KIFC1: variants seen among roughly 807,000 people sequenced by gnomAD.
KIFC1 encodes the protein kinesin-like protein KIFC1.
In KIFC1, 37 loss-of-function variants were observed where a neutral mutation model predicts 66.6. That is an observed-to-expected ratio of 0.56 (90% CI 0.43 to 0.73). The LOEUF (loss-of-function observed/expected upper bound fraction) is 0.73. Ranked by LOEUF, KIFC1 falls within the 30% of genes least tolerant of loss-of-function variation. The pLI is 0.00. For missense variants in KIFC1, 721 were observed against 859.8 expected (o/e 0.84, Z 2.02); for synonymous variants, 325 against 343.5 (o/e 0.95, Z 0.60).
At chr6:33,398,205 G>T in intron 2 of KIFC1, 39 bp downstream of exon 2, 1 of 1,602,120 alleles carries the variant, frequency 6.2e-7, no homozygotes, top group Non-Finnish European at 8.5e-7. Context: ...TGTGTGGGGG[G>T]TGTGTGTGTG....
At chr6:33,408,191 T>A (rs1775743248) in intron 10 of KIFC1, among the ~76,000 whole-genome samples, 1 of 152,254 alleles carries the variant, frequency 6.6e-6, no homozygotes, top group South Asian at 2.1e-4. Context: ...TTATACATAA[T>A]AGGTTTGTTC....
At position 33,406,909 on chromosome 6, in the gene KIFC1, C is replaced by T. The variant is rs765982063; in HGVS notation, c.1977+34C>T. ...ACCACCCGTCAGCCTTGTCAGGACC[C>T]GTGGGTGGTTGTAGGCTTCTCCATT... On this transcript the variant is annotated intron_variant, in intron 10 of 10. Transcript: ENST00000428849. The surrounding 1 kb of genome is among the most constrained non-coding windows in gnomAD (Gnocchi z 4.5). 26 of 1,613,500 alleles carry T rather than the reference C, an allele frequency of 1.6e-5. No individual in the cohort carries two copies. Among genetic ancestry groups the T allele is most frequent in the Non-Finnish European group, 2.2e-5 (26 of 1,179,776 alleles).
At chr6:33,391,561 C>T (rs45453798), upstream of KIFC1, 278 of 237,130 alleles carry the variant, frequency 1.2e-3, no homozygotes, top group Non-Finnish European at 1.9e-3. Flanking sequence ...CATTTTCTGA[C>T]GTAGCGAGCG....
intron 3 of KIFC1, among the ~76,000 whole-genome samples, chr6:33,402,741 C>A (rs573920792): frequency 1.4e-5 from 2 of 142,892 alleles, no homozygotes; most frequent in Non-Finnish European, 3.1e-5. Context: ...AAAAAAAAAA[C>A]AAAATGGAGG....
At position 33,394,072 on chromosome 6, in the gene KIFC1, G is replaced by T. The variant is rs568974001; in HGVS notation, c.12+2075G>T. On this transcript the variant is annotated intron_variant, in intron 1 of 10. Coordinates refer to ENST00000428849, the MANE Select transcript of KIFC1 (RefSeq NM_002263.4). ...ACATTTTTTATTGTCGTGACTAGGT[G>T]GGGGGTTGCTACTGGCATCTAGTGG... 4.1e-4 allele frequency among the ~76,000 whole-genome samples: 62 copies of T among 152,258 alleles called. 2 individuals are homozygous for T. The highest frequency in any genetic ancestry group is 1.2e-3 in the Admixed American group (19 of 15,288).
At position 33,403,378 on chromosome 6, in the gene KIFC1, T is replaced by G; in HGVS notation, c.304+11T>G. ...CAGCTATTGCCACAGGTAACTGTGC[T>G]CAAGAGCTGGGTCTGAGAAGGGATT... is the stretch of plus-strand genomic sequence containing the variant. On this transcript the variant is annotated intron_variant, in intron 4 of 10. Transcript: ENST00000428849. This position sits in a 1 kb window ranked among gnomAD's most constrained non-coding sequence, Gnocchi z 4.6. 6 of 1,613,938 alleles carry G rather than the reference T, an allele frequency of 3.7e-6. No individual in the cohort carries two copies. Among genetic ancestry groups the G allele is most frequent in the Non-Finnish European group, 4.2e-6 (5 of 1,179,812 alleles).
At chr6:33,408,984 C>T (rs145646205) in intron 10 of KIFC1, among the ~76,000 whole-genome samples, 1,804 of 152,236 alleles carry the variant, frequency 0.012, 21 homozygotes, top group African/African-American at 0.021. Context: ...CATCCTAACA[C>T]GGTGAAACCC....
intron 3 of KIFC1, 86 bp downstream of exon 3, chr6:33,398,473 TA>T: frequency 9.0e-7 from 1 of 1,114,244 alleles, no homozygotes; most frequent in Non-Finnish European, 1.3e-6. Context: ...AATTTTATTT[TA>T]TTTTTTTTGA....
upstream of KIFC1, chr6:33,391,789 G>A: frequency 2.9e-6 from 2 of 688,154 alleles, no homozygotes; most frequent in South Asian, 3.3e-5. Flanking sequence ...TGGTCCCTGC[G>A]TGCAGAGCGC....
Position 33,405,647 on chromosome 6 carries a change from C to T in KIFC1, c.1536+16C>T, listed in dbSNP as rs9278048. ...TGAGAAAGAAGTGAGGACCCATGGG[C>T]ACTGGAACTGGGAAATGGGGAGGAG... On this transcript the variant is annotated intron_variant, in intron 7 of 10. Coordinates refer to ENST00000428849, the MANE Select transcript of KIFC1 (RefSeq NM_002263.4). This position sits in a 1 kb window ranked among gnomAD's most constrained non-coding sequence, Gnocchi z 5.4. 37,052 of 1,486,996 alleles carry T rather than the reference C, an allele frequency of 0.025. 658 individuals are homozygous for T. Among genetic ancestry groups the T allele is most frequent in the Middle Eastern group, 0.048 (264 of 5,542 alleles). 92.1% of individuals were successfully genotyped at this position (1,486,996 alleles called of 1,614,324 possible). A position where few individuals can be genotyped will look rare whatever the true frequency, so the allele number is the denominator to read the frequency against.
At chr6:33,407,348 G>A (rs1452562818) in intron 10 of KIFC1, among the ~76,000 whole-genome samples, 2 of 152,160 alleles carry the variant, frequency 1.3e-5, no homozygotes, top group African/African-American at 2.4e-5. Context: ...GGTGGAGGCT[G>A]CAGTGAGCCG....
Position 33,400,442 on chromosome 6 carries a change from G to C in KIFC1, c.250+2055G>C. 1 of 1,603,636 alleles carries C rather than the reference G, an allele frequency of 6.2e-7. No individual in the cohort carries two copies. Among genetic ancestry groups the C allele is most frequent in the East Asian group, 2.2e-5 (1 of 44,758 alleles). On this transcript the variant is annotated intron_variant, in intron 3 of 10. Coordinates refer to ENST00000428849, the MANE Select transcript of KIFC1 (RefSeq NM_002263.4). The surrounding 1 kb of genome is among the most constrained non-coding windows in gnomAD (Gnocchi z 4.3). Reference sequence around the variant, plus strand: ...GCAATGTCATCACCAACCTTTTTTGGAGACAGACCCAGGGGGCCGATCTTG... The same window carrying C: ...GCAATGTCATCACCAACCTTTTTTGCAGACAGACCCAGGGGGCCGATCTTG...
intron 3 of KIFC1, among the ~76,000 whole-genome samples, chr6:33,399,864 T>C (rs1450190181): frequency 6.6e-6 from 1 of 152,214 alleles, no homozygotes; most frequent in Non-Finnish European, 1.5e-5. Context: ...CATGGTACAG[T>C]TAGGCTACAT....
rs1775621330 is a variant in KIFC1 at position 33,405,850 on chromosome 6, C to G, written c.1536+219C>G. Among the ~76,000 whole-genome samples, 3 of 152,052 alleles carry G rather than the reference C, an allele frequency of 2.0e-5. No homozygotes were observed. In the South Asian group the frequency reaches 6.2e-4, roughly 32 times the overall value. On this transcript the variant is annotated intron_variant, in intron 7 of 10. Coordinates refer to ENST00000428849, the MANE Select transcript of KIFC1 (RefSeq NM_002263.4). This position sits in a 1 kb window ranked among gnomAD's most constrained non-coding sequence, Gnocchi z 5.4. Reference sequence around the variant, plus strand: ...ATGCATCTGCCAAAACGAGGAGGGTCACTACATCTCATGTCTCATCTTCTT... The same window carrying G: ...ATGCATCTGCCAAAACGAGGAGGGTGACTACATCTCATGTCTCATCTTCTT...
In KIFC1 at chr6:33,405,312, T is replaced by G; in HGVS notation, c.1217T>G (p.Ile406Ser). ...GCCCTGGATGGCTATCCAGTATGCA[T>G]CTTTGCCTATGGCCAGACAGGCAGT... ...QSALDGYPVCIFAYGQTGSGK... is the reference protein window; with the variant it reads ...QSALDGYPVCSFAYGQTGSGK... Residue 406 changes from isoleucine to serine, a missense_variant, in exon 7 of 11, where the codon ATC becomes AGC. By Grantham distance (142) the Ile-to-Ser change is moderately radical. Transcript: ENST00000428849. This position sits in a 1 kb window ranked among gnomAD's most constrained non-coding sequence, Gnocchi z 5.4. 2 of 1,614,142 alleles carry G rather than the reference T, an allele frequency of 1.2e-6. No individual in the cohort carries two copies. The highest frequency in any genetic ancestry group is 1.7e-6 in the Non-Finnish European group (2 of 1,180,026).
Position 33,405,748 on chromosome 6 carries a change from A to G in KIFC1, c.1536+117A>G. On this transcript the variant is annotated intron_variant, in intron 7 of 10. Transcript: ENST00000428849. The surrounding 1 kb of genome is among the most constrained non-coding windows in gnomAD (Gnocchi z 5.4). ...ATTGAAGGATGAAGTGCAAGTTATC[A>G]GGCTGGGTTACCACATCCGGTTTTG... The G allele has an allele frequency of 1.7e-6, 2 of 1,143,870 alleles. No homozygotes were observed. Among genetic ancestry groups the G allele is most frequent in the Non-Finnish European group, 2.4e-6 (2 of 848,542 alleles). The allele number at this position is 1,143,870 out of a possible 1,614,324, so 70.9% of individuals were successfully genotyped here. A position where few individuals can be genotyped will look rare whatever the true frequency, so the allele number is the denominator to read the frequency against.
In KIFC1 at chr6:33,401,616, A is replaced by C. The variant is rs1255306909; in HGVS notation, c.251-1698A>C. Among the ~76,000 whole-genome samples the C allele has an allele frequency of 6.6e-6, 1 of 152,050 alleles. No individual in the cohort carries two copies. The highest frequency in any genetic ancestry group is 1.5e-5 in the Non-Finnish European group (1 of 68,024). ...ATCAACATCACTGGCTTTCACCTCC[A>C]CATCTTGTCTCACTGGAAGATCTTC... On this transcript the variant is annotated intron_variant, in intron 3 of 10. Coordinates refer to ENST00000428849, the MANE Select transcript of KIFC1 (RefSeq NM_002263.4). The surrounding 1 kb of genome is among the most constrained non-coding windows in gnomAD (Gnocchi z 4.5).
At chr6:33,394,887 A>T (rs1370123354) in intron 1 of KIFC1, among the ~76,000 whole-genome samples, 1 of 152,220 alleles carries the variant, frequency 6.6e-6, no homozygotes, top group African/African-American at 2.4e-5. Flanking sequence ...ATTTAAAGGC[A>T]TGGGAGTGGA....
rs758567049 is a variant in KIFC1 at position 33,403,549 on chromosome 6, A to AT, written c.355+15dup. 1.9e-6 allele frequency: 3 copies of AT among 1,613,730 alleles called. No homozygotes were observed. Among genetic ancestry groups the AT allele is most frequent in the Non-Finnish European group, 2.5e-6 (3 of 1,179,568 alleles). On this transcript the variant is annotated intron_variant, in intron 5 of 10. Coordinates refer to ENST00000428849, the MANE Select transcript of KIFC1 (RefSeq NM_002263.4). This position sits in a 1 kb window ranked among gnomAD's most constrained non-coding sequence, Gnocchi z 4.6. ...AGAAGTCTGGCAGTAAGTGACAAAC[A>AT]TAACCACTGGGTGAGAGGCTGGGAT... is the stretch of plus-strand genomic sequence containing the variant.
Sources: gnomAD v4.1 joint callset for allele counts (sites outside exome capture counted in the v4.1 genomes callset) on GRCh38, gnomAD v4.1.1 for gene constraint, Gnocchi (gnomAD v3.1) non-coding constraint, MANE v1.5 for transcripts, NCBI Gene and HGNC (gene_info 2026-07-23, HGNC 2026-07-21) for gene names.